HERC3: variants seen among roughly 807,000 people sequenced by gnomAD.
The protein encoded by HERC3 is HECT and RLD domain containing E3 ubiquitin protein ligase 3, also known as probable E3 ubiquitin-protein ligase HERC3.
In HERC3, 58 loss-of-function variants were observed where a neutral mutation model predicts 129.9. That is an observed-to-expected ratio of 0.45 (90% CI 0.36 to 0.56). HERC3 has a LOEUF of 0.56. HERC3 is among the 20% of genes least tolerant of loss of function. The pLI is 0.00. For synonymous variants in HERC3, 430 were observed against 451.0 expected (o/e 0.95, Z 0.59); for missense variants, 835 against 1,244.2 (o/e 0.67, Z 4.95).
At chr4:88,697,851 G>A (rs932003635) in intron 23 of HERC3, 10 of 1,479,412 alleles carry the variant, frequency 6.8e-6, no homozygotes, top group Middle Eastern at 2.6e-4. Flanking sequence ...AAGTGGCGGT[G>A]ACGTGCGGCC....
chr4:88,628,033 G>A (rs548180968), intron 3 of HERC3, among the ~76,000 whole-genome samples: 21 of 152,296 alleles, frequency 1.4e-4, no homozygotes, highest in African/African-American at 5.1e-4. Flanking sequence ...GTTCATGGGT[G>A]GAGTGTATTT....
intron 23 of HERC3, chr4:88,697,884 C>T: frequency 3.1e-6 from 4 of 1,291,616 alleles, no homozygotes; most frequent in Non-Finnish European, 4.2e-6. Flanking sequence ...TTGGCCGCGG[C>T]CCCGCCTCCT....
chr4:88,679,847 G>C (rs979134027), intron 19 of HERC3, among the ~76,000 whole-genome samples: 1 of 152,092 alleles, frequency 6.6e-6, no homozygotes, highest in African/African-American at 2.4e-5. Flanking sequence ...AAGGACACAT[G>C]GTAAATTTCT....
chr4:88,536,789 A>G, the HERC3 span, among the ~76,000 whole-genome samples: 2 of 152,176 alleles, frequency 1.3e-5, no homozygotes, highest in Admixed American at 1.3e-4. Flanking sequence ...AGAGAAATTC[A>G]AAACATATAA....
chr4:88,526,523 A>T, the HERC3 span, among the ~76,000 whole-genome samples: 131 of 152,258 alleles, frequency 8.6e-4, no homozygotes, highest in Non-Finnish European at 1.6e-3. Flanking sequence ...TAGTTTGACA[A>T]CACTTATTTT....
the HERC3 span, among the ~76,000 whole-genome samples, chr4:88,547,479 G>A: frequency 6.6e-6 from 1 of 152,070 alleles, no homozygotes; most frequent in Non-Finnish European, 1.5e-5. Flanking sequence ...CGCAGAAAGG[G>A]ATTACATACT....
intron 5 of HERC3, 42 bp downstream of exon 5, chr4:88,652,130 GAAA>G: frequency 7.3e-7 from 1 of 1,377,256 alleles, no homozygotes; most frequent in South Asian, 1.2e-5. Flanking sequence ...TGTTAATTTT[GAAA>G]ACATTTCTCT....
At chr4:88,655,589 C>A (rs1729798232) in intron 8 of HERC3, among the ~76,000 whole-genome samples, 1 of 152,118 alleles carries the variant, frequency 6.6e-6, no homozygotes, top group African/African-American at 2.4e-5. Flanking sequence ...CAAAGAACTT[C>A]TTGGAAATTT....
chr4:88,664,356 C>G, intron 12 of HERC3, 144 bp downstream of exon 12: 2 of 634,712 alleles, frequency 3.2e-6, no homozygotes, highest in Non-Finnish European at 5.5e-6. Context: ...CCACTGAATT[C>G]CAGCCTGGAC....
the HERC3 span, among the ~76,000 whole-genome samples, chr4:88,571,330 C>A: frequency 6.6e-6 from 1 of 152,164 alleles, no homozygotes; most frequent in East Asian, 1.9e-4. Context: ...AGATAATATA[C>A]AAATTAGTAA....
At chr4:88,631,689 A>G (rs1726779276) in intron 3 of HERC3, among the ~76,000 whole-genome samples, 1 of 152,164 alleles carries the variant, frequency 6.6e-6, no homozygotes, top group Admixed American at 6.5e-5. Context: ...TTAAACCCAT[A>G]TTTAGTTTTT....
At chr4:88,684,154 A>G (rs1326007165) in intron 21 of HERC3, among the ~76,000 whole-genome samples, 3 of 152,226 alleles carry the variant, frequency 2.0e-5, no homozygotes, top group Non-Finnish European at 4.4e-5. Context: ...AAGAGCCCAT[A>G]TAGCCAAGAC....
intron 23 of HERC3, chr4:88,693,753 C>T (rs1045316977): frequency 6.8e-5 from 60 of 880,028 alleles, no homozygotes; most frequent in African/African-American, 1.3e-4. Context: ...CAGTAAGCAT[C>T]GGCATGCCAG....
At chr4:88,632,389 A>G (rs1016087315) in intron 3 of HERC3, among the ~76,000 whole-genome samples, 2 of 152,260 alleles carry the variant, frequency 1.3e-5, no homozygotes, top group African/African-American at 4.8e-5. Flanking sequence ...GGTACAGTCC[A>G]AAATTATTCA....
the HERC3 span, among the ~76,000 whole-genome samples, chr4:88,539,364 G>C: frequency 2.0e-3 from 301 of 152,282 alleles, 1 homozygote; most frequent in Non-Finnish European, 3.1e-3. Context: ...AGCCTCGGGG[G>C]GAGAGGGGCA....
At chr4:88,613,699 T>C (rs572765191) in intron 3 of HERC3, among the ~76,000 whole-genome samples, 1 of 152,196 alleles carries the variant, frequency 6.6e-6, no homozygotes, top group Non-Finnish European at 1.5e-5. Context: ...ATAACGCTGA[T>C]ATAAAAGGCA....
rs76791556 is a variant in HERC3, at chr4:88,690,813, G to C, written c.2657+3514G>C. 3.5e-4 allele frequency among the ~76,000 whole-genome samples: 53 copies of C among 152,034 alleles called. 1 individual carries two copies. In the East Asian group the frequency reaches 0.01, roughly 29 times the overall value. ...TTTCTCTCTCCCTGTCACTCTCACTGTCTTTCTCCTTATTCAACAGACATT... is the reference window on the plus strand; with the variant it reads ...TTTCTCTCTCCCTGTCACTCTCACTCTCTTTCTCCTTATTCAACAGACATT... On this transcript the variant is annotated intron_variant, in intron 23 of 25. Coordinates refer to ENST00000402738, the MANE Select transcript of HERC3 (RefSeq NM_014606.3).
chr4:88,680,499 A>G (rs1462031706), intron 20 of HERC3, among the ~76,000 whole-genome samples: 1 of 152,254 alleles, frequency 6.6e-6, no homozygotes, highest in Non-Finnish European at 1.5e-5. Context: ...GGGTAAAAGG[A>G]AACTGTGATA....
chr4:88,687,182 A>C, intron 22 of HERC3, 35 bp from the exon 23 acceptor site: 1 of 1,524,772 alleles, frequency 6.6e-7, no homozygotes, highest in Non-Finnish European at 9.1e-7. Flanking sequence ...TGGTTAACAA[A>C]ATTGAAATAT....
Sources: gnomAD v4.1 joint callset for allele counts (sites outside exome capture counted in the v4.1 genomes callset) on GRCh38, gnomAD v4.1.1 for gene constraint, MANE v1.5 for transcripts, NCBI Gene and HGNC (gene_info 2026-07-23, HGNC 2026-07-21) for gene names.